NARS2: variants seen among roughly 807,000 people sequenced by gnomAD.
NARS2 encodes the protein asparaginyl-tRNA synthetase.
In NARS2, 60 loss-of-function variants were observed where a neutral mutation model predicts 62.9. The observed-to-expected ratio is 0.95, with a 90% CI of 0.77 to 1.18. The LOEUF is 1.18. Among genes scored for constraint, NARS2 ranks in the 50% most tolerant of loss-of-function variants. The pLI, the probability that NARS2 is intolerant of heterozygous loss-of-function variation, is 0.00. For synonymous variants in NARS2, 196 were observed against 200.0 expected (o/e 0.98, Z 0.17); for missense variants, 619 against 576.4 (o/e 1.07, Z -0.76).
intron 6 of NARS2, among the ~76,000 whole-genome samples, chr11:78,527,318 A>G (rs543595792): frequency 1.5e-4 from 23 of 152,300 alleles, no homozygotes; most frequent in Middle Eastern, 3.4e-3. Context: ...TTGTATTTGA[A>G]TGAGTCATGT....
At chr11:78,437,716 C>A (rs1477079568) in intron 13 of NARS2, among the ~76,000 whole-genome samples, 2 of 151,918 alleles carry the variant, frequency 1.3e-5, no homozygotes, top group East Asian at 3.8e-4. Flanking sequence ...GTGGCTCATG[C>A]CTGTAATTCC....
intron 6 of NARS2, 124 bp downstream of exon 6, chr11:78,528,718 T>C: frequency 4.6e-6 from 3 of 657,510 alleles, no homozygotes; most frequent in South Asian, 1.8e-5. Context: ...CTTAAATATT[T>C]TGGAAAATTC....
At chr11:78,497,499 C>T (rs1476107432) in intron 6 of NARS2, among the ~76,000 whole-genome samples, 1 of 152,106 alleles carries the variant, frequency 6.6e-6, no homozygotes, top group Admixed American at 6.5e-5. Flanking sequence ...CCAAACCACC[C>T]CCAACCTCCA....
intron 2 of NARS2, among the ~76,000 whole-genome samples, chr11:78,570,696 A>G (rs1856892873): frequency 6.6e-6 from 1 of 152,206 alleles, no homozygotes; most frequent in African/African-American, 2.4e-5. Context: ...TTAGTTTTAA[A>G]ACCTGATGAA....
intron 11 of NARS2, among the ~76,000 whole-genome samples, chr11:78,456,941 T>C (rs1858185985): frequency 6.6e-6 from 1 of 152,214 alleles, no homozygotes; most frequent in Non-Finnish European, 1.5e-5. Context: ...GTTAGTCTTA[T>C]CCATGCATAT....
intron 6 of NARS2, among the ~76,000 whole-genome samples, chr11:78,504,445 T>TG (rs1860410848): frequency 1.3e-5 from 2 of 151,698 alleles, no homozygotes; most frequent in Non-Finnish European, 2.9e-5. Flanking sequence ...TTTTTTTTTT[T>TG]TTTTTTTTTT....
intron 3 of NARS2, among the ~76,000 whole-genome samples, chr11:78,568,413 A>C (rs1433472992): frequency 4.6e-5 from 7 of 152,230 alleles, no homozygotes; most frequent in Admixed American, 4.6e-4. Flanking sequence ...TTTAACTGTG[A>C]CACACACCAC....
intron 12 of NARS2, among the ~76,000 whole-genome samples, chr11:78,441,891 A>C (rs932687128): frequency 2.6e-5 from 4 of 152,178 alleles, no homozygotes; most frequent in African/African-American, 9.6e-5. Flanking sequence ...CTATTAATAA[A>C]ATTTTAAATT....
chr11:78,528,835 T>C lies in NARS2; in HGVS notation c.689+7A>G. 1 of 1,593,620 alleles carries C rather than the reference T, an allele frequency of 6.3e-7. No homozygotes were observed. Among genetic ancestry groups the C allele is most frequent in the South Asian group, 1.1e-5 (1 of 90,544 alleles). On this transcript the variant is annotated splice_region_variant and intron_variant, in intron 6 of 13. Transcript: ENST00000281038. ...ATCAAAGCAAAAGAGAAAGGAAAAT[T>C]TCATACCCTGACATCACTTCTAGAT...
At chr11:78,486,673 TC>T (rs1387774738) in intron 7 of NARS2, among the ~76,000 whole-genome samples, 1 of 152,094 alleles carries the variant, frequency 6.6e-6, no homozygotes, top group Non-Finnish European at 1.5e-5. Context: ...ACCCAGAGTG[TC>T]AGAACACAAC....
At chr11:78,565,725 C>A (rs1395875619) in intron 4 of NARS2, among the ~76,000 whole-genome samples, 4 of 152,206 alleles carry the variant, frequency 2.6e-5, no homozygotes, top group Non-Finnish European at 4.4e-5. Context: ...CCAGTGCTCA[C>A]ATGCTGGCTG....
chr11:78,514,794 C>T (rs1159618522), intron 6 of NARS2, among the ~76,000 whole-genome samples: 1 of 152,144 alleles, frequency 6.6e-6, no homozygotes, highest in Admixed American at 6.5e-5. Flanking sequence ...CAAGCAGACA[C>T]TGCAGAGTTA....
At chr11:78,545,112 A>G (rs1212842682) in intron 5 of NARS2, among the ~76,000 whole-genome samples, 1 of 152,200 alleles carries the variant, frequency 6.6e-6, no homozygotes, top group Non-Finnish European at 1.5e-5. Context: ...ATAATAAAAT[A>G]CACTGATTAT....
chr11:78,507,249 A>C (rs2135377258), intron 6 of NARS2, among the ~76,000 whole-genome samples: 1 of 150,160 alleles, frequency 6.7e-6, no homozygotes, highest in South Asian at 2.1e-4. Flanking sequence ...CAGACATTAA[A>C]GACTAGGATG....
intron 11 of NARS2, among the ~76,000 whole-genome samples, chr11:78,451,150 A>C (rs1013126869): frequency 6.6e-6 from 1 of 152,262 alleles, no homozygotes; most frequent in African/African-American, 2.4e-5. Context: ...AATACAGCAG[A>C]GTATTCTTCA....
intron 4 of NARS2, among the ~76,000 whole-genome samples, chr11:78,563,310 C>T (rs1269443580): frequency 2.7e-5 from 4 of 150,784 alleles, no homozygotes; most frequent in Admixed American, 1.3e-4. Context: ...CTCCGCCTCC[C>T]GGATTCAAGT....
In NARS2 at chr11:78,466,232, T is replaced by C. The variant is rs182071234; in HGVS notation, c.1027-219A>G. On this transcript the variant is annotated intron_variant, in intron 10 of 13. Coordinates refer to ENST00000281038, the MANE Select transcript of NARS2 (RefSeq NM_024678.6). ...AAAGATGAAAGCTGAGGCCAGTAGATAGACACTATGCTTACTGTGTCCCCA... is the reference window on the plus strand; with the variant it reads ...AAAGATGAAAGCTGAGGCCAGTAGACAGACACTATGCTTACTGTGTCCCCA... 1.1e-4 allele frequency among the ~76,000 whole-genome samples: 16 copies of C among 151,986 alleles called. 1 individual carries two copies. The highest frequency in any genetic ancestry group is 5.8e-4 in the East Asian group (3 of 5,170).
intron 6 of NARS2, among the ~76,000 whole-genome samples, chr11:78,517,899 C>A (rs1339904719): frequency 1.3e-5 from 2 of 152,132 alleles, no homozygotes; most frequent in Non-Finnish European, 2.9e-5. Flanking sequence ...AATTAATACA[C>A]CCTTTAAAGA....
At chr11:78,452,590 G>A (rs11237500) in intron 11 of NARS2, among the ~76,000 whole-genome samples, 29,070 of 151,184 alleles carry the variant, frequency 0.19, 3,314 homozygotes, top group East Asian at 0.42. Context: ...ATTTTTTTTT[G>A]TACAGACAGG....
Sources: allele counts gnomAD v4.1 joint callset (sites outside exome capture counted in the v4.1 genomes callset), GRCh38; gene constraint gnomAD v4.1.1; transcripts MANE v1.5; gene names NCBI Gene and HGNC (gene_info 2026-07-23, HGNC 2026-07-21).